The following ASPG variants were observed in gnomAD, a reference collection of about 807,000 sequenced individuals.
The protein encoded by ASPG is 60 kDa lysophospholipase.
Under a neutral mutation model 63.2 loss-of-function variants are expected in ASPG, and 53 were observed. The ratio of observed to expected loss-of-function variants is 0.84; its 90% CI spans 0.67 to 1.05. The LOEUF is 1.05. Among genes scored for constraint, ASPG ranks in the 50% least tolerant of loss-of-function variants. ASPG has a pLI of 0.00. For missense variants in ASPG, 741 were observed against 794.4 expected (o/e 0.93, Z 0.81); for synonymous variants, 370 against 355.0 (o/e 1.04, Z -0.48).
chr14:104,098,217 CGTATGGAGGTTTTACATTAGAGATAG>C (rs2141009041), intron 5 of ASPG, among the ~76,000 whole-genome samples: 7 of 152,022 alleles, frequency 4.6e-5, no homozygotes, highest in Non-Finnish European at 4.4e-5. Context: ...GTTAGAGATA[CGTATGGAGGTTTTACATTAGAGATAG>C]GTATGGAAGT....
chr14:104,094,389 G>A (rs2036503733), intron 3 of ASPG, among the ~76,000 whole-genome samples: 1 of 152,048 alleles, frequency 6.6e-6, no homozygotes, highest in Non-Finnish European at 1.5e-5. Context: ...GTGGACCACA[G>A]CACCTCTCAA....
chr14:104,098,492 C>T (rs1001363254), intron 5 of ASPG, among the ~76,000 whole-genome samples: 3 of 152,152 alleles, frequency 2.0e-5, no homozygotes, highest in Admixed American at 6.5e-5. Context: ...CAGCTGTGCT[C>T]GCTGCACCTT....
At chr14:104,097,745 A>G (rs2036660139) in intron 5 of ASPG, 108 bp downstream of exon 5, 1 of 971,574 alleles carries the variant, frequency 1.0e-6, no homozygotes, top group Non-Finnish European at 1.6e-6. Flanking sequence ...GCCACTGCCA[A>G]TAGCTGGGTG....
intron 15 of ASPG, 92 bp downstream of exon 15, chr14:104,112,092 C>G: frequency 8.0e-7 from 1 of 1,257,148 alleles, no homozygotes; most frequent in South Asian, 1.4e-5. Context: ...TCAAGGGGAA[C>G]AGAACCGGAG....
At position 104,095,634 on chromosome 14, in the gene ASPG, C is replaced by T. The variant is rs1331910609; in HGVS notation, c.407C>T (p.Thr136Ile). Residue 136 changes from threonine to isoleucine, a missense_variant, in exon 4 of 16, where the codon ACT becomes ATT. Transcript: ENST00000551177. ...LSFMLENLQK[T>I]VILTGAQVPI... ...TTCATGCTGGAGAACCTGCAGAAGA[C>T]TGTCATCCTCACTGGGGCCCAGGTA... 6.2e-7 allele frequency: 1 copy of T among 1,612,848 alleles called. No individual in the cohort carries two copies. The highest frequency in any genetic ancestry group is 1.3e-5 in the African/African-American group (1 of 74,930).
chr14:104,101,324 G>A (rs995473407), intron 6 of ASPG, among the ~76,000 whole-genome samples: 11 of 152,222 alleles, frequency 7.2e-5, no homozygotes, highest in South Asian at 2.1e-4. Context: ...TAGCAATGCC[G>A]GCCTGGGCCC....
In ASPG at chr14:104,109,027, G is replaced by T; in HGVS notation, c.1434-202G>T. On this transcript the variant is annotated intron_variant, in intron 12 of 15. Transcript: ENST00000551177. This position sits in a 1 kb window ranked among gnomAD's most constrained non-coding sequence, Gnocchi z 4.8. ...AAGAAGGAGTACTGGACAAATGGAG[G>T]TGGTGGGATCCCGGGATGATGTCAC... is the stretch of plus-strand genomic sequence containing the variant. The T allele has an allele frequency of 1.0e-6, 1 of 985,454 alleles. No homozygotes were observed. The allele number at this position is 985,454 out of a possible 1,614,324, so 61.0% of individuals were successfully genotyped here. A position where few individuals can be genotyped will look rare whatever the true frequency, so the allele number is the denominator to read the frequency against.
intron 5 of ASPG, 85 bp downstream of exon 5, chr14:104,097,722 C>A: frequency 7.6e-7 from 1 of 1,315,762 alleles, no homozygotes. Context: ...GTCCCCCCAG[C>A]CCCTCCCCAG....
At chr14:104,089,947 C>CAAAAAAAAAA (rs58405958) in intron 1 of ASPG, among the ~76,000 whole-genome samples, 2 of 56,352 alleles carry the variant, frequency 3.5e-5, no homozygotes, top group Non-Finnish European at 5.7e-5. Context: ...GACTCTGCCT[C>CAAAAAAAAAA]AAAAAAAAAA....
intron 10 of ASPG, 122 bp downstream of exon 10, chr14:104,105,572 A>T: frequency 7.5e-7 from 1 of 1,339,132 alleles, no homozygotes; most frequent in Non-Finnish European, 9.9e-7. Flanking sequence ...ACAGTTAGGC[A>T]CACCCGGGTT....
Position 104,110,783 on chromosome 14 carries a change from C to A in ASPG, c.1521-719C>A. On this transcript the variant is annotated intron_variant, in intron 13 of 15. Coordinates refer to ENST00000551177, the MANE Select transcript of ASPG (RefSeq NM_001080464.3). The surrounding 1 kb of genome is among the most constrained non-coding windows in gnomAD (Gnocchi z 4.7). ...CCCTGCACACCATGGGTGGGTGGAG[C>A]CTTCCCTGCCGGGTCCCCACCTGGC... 1.0e-6 allele frequency: 1 copy of A among 985,326 alleles called. No individual in the cohort carries two copies. Among genetic ancestry groups the A allele is most frequent in the Non-Finnish European group, 1.2e-6 (1 of 829,860 alleles). The allele number at this position is 985,326 out of a possible 1,614,324, so 61.0% of individuals were successfully genotyped here.
At chr14:104,104,560 C>A (rs2037032171) in intron 8 of ASPG, 62 bp from the exon 9 acceptor site, 1 of 1,586,072 alleles carries the variant, frequency 6.3e-7, no homozygotes, top group Non-Finnish European at 8.6e-7. Flanking sequence ...CTCTGACCCA[C>A]CCCTCATGGG....
At chr14:104,095,098 G>C (rs2036537950) in intron 3 of ASPG, among the ~76,000 whole-genome samples, 1 of 152,222 alleles carries the variant, frequency 6.6e-6, no homozygotes. Flanking sequence ...ATCACCTGCT[G>C]GTTCCCGGCC....
chr14:104,112,075 G>A (rs889551770), intron 15 of ASPG, 75 bp downstream of exon 15: 71 of 1,401,966 alleles, frequency 5.1e-5, no homozygotes, highest in Non-Finnish European at 6.7e-5. Context: ...GGCTCGGGGG[G>A]GCGTAATCAA....
Position 104,091,898 on chromosome 14 carries a change from C to G in ASPG, c.83-735C>G, listed in dbSNP as rs534688281. On this transcript the variant is annotated intron_variant, in intron 1 of 15. Coordinates refer to ENST00000551177, the MANE Select transcript of ASPG (RefSeq NM_001080464.3). This position sits in a 1 kb window ranked among gnomAD's most constrained non-coding sequence, Gnocchi z 6.4. Reference sequence around the variant, plus strand: ...GGGGTCAGGGCTTTATACTGAGCAGCTGGCCCCAGGGAATGAGTGGTGTGG... The same window carrying G: ...GGGGTCAGGGCTTTATACTGAGCAGGTGGCCCCAGGGAATGAGTGGTGTGG... Among the ~76,000 whole-genome samples the G allele has an allele frequency of 6.6e-6, 1 of 152,120 alleles. No individual in the cohort carries two copies. The highest frequency in any genetic ancestry group is 2.1e-4 in the South Asian group (1 of 4,814).
intron 12 of ASPG, chr14:104,108,269 G>A: frequency 3.9e-6 from 1 of 258,754 alleles, no homozygotes; most frequent in Non-Finnish European, 6.0e-6. Flanking sequence ...GCGGGGCTGT[G>A]AGGGTCCCCC....
At chr14:104,096,451 G>A (rs1325669630) in intron 4 of ASPG, among the ~76,000 whole-genome samples, 1 of 152,130 alleles carries the variant, frequency 6.6e-6, no homozygotes, top group East Asian at 1.9e-4. Context: ...TGCTTGCCTG[G>A]CGCCGTCTCC....
intron 14 of ASPG, 153 bp downstream of exon 14, chr14:104,111,754 C>G: frequency 1.1e-6 from 1 of 917,102 alleles, no homozygotes; most frequent in Non-Finnish European, 1.6e-6. Flanking sequence ...CAGACTGGGT[C>G]CCCTTCCCGG....
intron 9 of ASPG, 58 bp downstream of exon 9, chr14:104,104,793 T>A: frequency 7.0e-7 from 1 of 1,418,542 alleles, no homozygotes; most frequent in Non-Finnish European, 9.6e-7. Flanking sequence ...GTCAGTTGGC[T>A]CCCAGGGGCA....
Sources: allele counts gnomAD v4.1 joint callset (sites outside exome capture counted in the v4.1 genomes callset), GRCh38; gene constraint gnomAD v4.1.1; non-coding constraint Gnocchi (gnomAD v3.1); transcripts MANE v1.5; gene names NCBI Gene and HGNC (gene_info 2026-07-23, HGNC 2026-07-21).